Variants in ALKBH8 observed in about 807,000 individuals in gnomAD.
ALKBH8 encodes the protein tRNA (carboxymethyluridine(34)-5-O)-methyltransferase ALKBH8.
ALKBH8 carries 36 observed loss-of-function variants against 59.8 expected under a neutral mutation model. The observed-to-expected ratio is 0.60, with a 90% CI of 0.46 to 0.79. The LOEUF (loss-of-function observed/expected upper bound fraction) is 0.79. Ranked by LOEUF, ALKBH8 falls within the 30% of genes least tolerant of loss-of-function variation. The pLI is 0.00. For missense variants in ALKBH8, 768 were observed against 801.0 expected (o/e 0.96, Z 0.50); for synonymous variants, 276 against 273.6 (o/e 1.01, Z -0.09).
chr11:107,557,437 T>A (rs1185622036), intron 2 of ALKBH8, among the ~76,000 whole-genome samples: 5 of 152,220 alleles, frequency 3.3e-5, no homozygotes, highest in African/African-American at 4.8e-5. Context: ...TTGAATTTAT[T>A]TGGGTAATAT....
intron 10 of ALKBH8, among the ~76,000 whole-genome samples, chr11:107,515,782 T>C (rs370836395): frequency 3.2e-4 from 48 of 152,314 alleles, no homozygotes; most frequent in African/African-American, 1.1e-3. Context: ...GTTCCATTTT[T>C]CTTCCATTAA....
chr11:107,556,095 C>G (rs61583659), intron 3 of ALKBH8, among the ~76,000 whole-genome samples: 1 of 151,950 alleles, frequency 6.6e-6, no homozygotes, highest in Non-Finnish European at 1.5e-5. Context: ...CTGGCCAACA[C>G]GGTGAAACCC....
In ALKBH8 at chr11:107,553,142, G is replaced by C; in HGVS notation, c.561C>G (p.Asn187Lys). 1 of 1,608,500 alleles carries C rather than the reference G, an allele frequency of 6.2e-7. No homozygotes were observed. The highest frequency in any genetic ancestry group is 8.5e-7 in the Non-Finnish European group (1 of 1,177,596). The change falls in exon 5 of 12, where the codon AAC (asparagine) becomes AAG (lysine). Residue 187 changes from asparagine (N) to lysine (K), a missense_variant. By Grantham distance (94) the Asn-to-Lys change is moderately conservative (BLOSUM62 0). Coordinates refer to ENST00000428149, the MANE Select transcript of ALKBH8 (RefSeq NM_138775.3). ...KHFGYEFHYE[N>K]NNVDKDKPLS... is the part of the protein sequence containing the mutation. ...ATGGCTTATCTTTATCTACATTGTT[G>C]TTCTCATAGTGGAACTCATAACCAA... is the stretch of plus-strand genomic sequence containing the variant.
chr11:107,556,827 T>C lies in ALKBH8; in HGVS notation c.306A>G (p.Gly102=). Residue 102 remains glycine, a synonymous_variant, in exon 3 of 12, where the codon GGA becomes GGG. Transcript: ENST00000428149. Reference sequence around the variant, plus strand: ...GTCCTAAATCATCCACTACTTCTTTTCCATTGAGGGTAACATAGGCTCTCT... The same window carrying C: ...GTCCTAAATCATCCACTACTTCTTTCCCATTGAGGGTAACATAGGCTCTCT... ...ESKRAYVTLN[G]KEVVDDLGQK... 7.2e-6 allele frequency: 11 copies of C among 1,537,718 alleles called. No homozygotes were observed. Among genetic ancestry groups the C allele is most frequent in the Non-Finnish European group, 9.6e-6 (11 of 1,141,570 alleles).
Position 107,532,538 on chromosome 11 carries a change from A to G in ALKBH8, c.772-132T>C, listed in dbSNP as rs1351603603. 4 of 675,812 alleles carry G rather than the reference A, an allele frequency of 5.9e-6. No homozygotes were observed. In the East Asian group the frequency reaches 1.1e-4, roughly 19 times the overall value. The allele number at this position is 675,812 out of a possible 1,614,324, so 41.9% of individuals were successfully genotyped here. On this transcript the variant is annotated intron_variant, in intron 7 of 11. Transcript: ENST00000428149. ...AACATAATAATGCTTGCAGAAAAGC[A>G]TAGCACAGTGGTTCTCAAACTTTAC...
intron 7 of ALKBH8, among the ~76,000 whole-genome samples, chr11:107,538,567 G>A (rs1021728884): frequency 6.6e-5 from 10 of 152,188 alleles, no homozygotes; most frequent in African/African-American, 2.2e-4. Context: ...GGGCATGACT[G>A]AGGATAATGT....
At chr11:107,532,546 G>A in intron 7 of ALKBH8, 140 bp from the exon 8 acceptor site, 2 of 635,022 alleles carry the variant, frequency 3.1e-6, no homozygotes, top group Non-Finnish European at 5.4e-6. Context: ...GCATAGCACA[G>A]TGGTTCTCAA....
chr11:107,563,485 T>C (rs1865015639), intron 1 of ALKBH8: 2 of 152,180 alleles, frequency 1.3e-5, no homozygotes, highest in Admixed American at 1.3e-4. Flanking sequence ...GGGATAAAAA[T>C]AATAGTGCCT....
intron 10 of ALKBH8, among the ~76,000 whole-genome samples, chr11:107,515,086 T>C (rs915538425): frequency 6.6e-6 from 1 of 152,182 alleles, no homozygotes; most frequent in African/African-American, 2.4e-5. Flanking sequence ...CCTGGCTCAG[T>C]ACTTTCATCT....
At chr11:107,513,848 A>G (rs1429594275) in intron 10 of ALKBH8, among the ~76,000 whole-genome samples, 1 of 152,176 alleles carries the variant, frequency 6.6e-6, no homozygotes, top group Non-Finnish European at 1.5e-5. Context: ...CTGAGTACAC[A>G]TGGACACGAA....
chr11:107,518,589 C>T lies in ALKBH8; in HGVS notation c.1287+3710G>A, dbSNP rs368442355. Among the ~76,000 whole-genome samples the T allele has an allele frequency of 4.6e-5, 7 of 152,362 alleles. 1 individual carries two copies. The highest frequency in any genetic ancestry group is 1.2e-4 in the African/African-American group (5 of 41,590). On this transcript the variant is annotated intron_variant, in intron 10 of 11. Coordinates refer to ENST00000428149, the MANE Select transcript of ALKBH8 (RefSeq NM_138775.3). Reference sequence around the variant, plus strand: ...CCCAGGGCGGAAAACTGCTTAAAGGCGTTCTTAAACCACAAACAATAGCAT... The same window carrying T: ...CCCAGGGCGGAAAACTGCTTAAAGGTGTTCTTAAACCACAAACAATAGCAT...
At position 107,553,955 on chromosome 11, in the gene ALKBH8, G is replaced by A; in HGVS notation, c.391C>T (p.Gln131Ter). The A allele has an allele frequency of 1.2e-6, 2 of 1,613,812 alleles. No homozygotes were observed. The highest frequency in any genetic ancestry group is 1.7e-6 in the Non-Finnish European group (2 of 1,179,848). ...ACCATGAGTCCTGGTGGTAAGGCTT[G>A]AGGCCTCAACTCCTTCCACTGCACT... ...EKVQWKELRP[Q>*]ALPPGLMVVE... The change falls in exon 4 of 12, where the codon CAA becomes TAA. Residue 131 changes from glutamine (Q) to a stop codon, truncating the protein, a stop_gained. Transcript: ENST00000428149. LOFTEE classifies it high-confidence loss of function.
chr11:107,538,442 A>G (rs1239887124), intron 7 of ALKBH8, among the ~76,000 whole-genome samples: 1 of 152,212 alleles, frequency 6.6e-6, no homozygotes, highest in East Asian at 1.9e-4. Context: ...CTGCTGAATC[A>G]TTCTGTTATG....
chr11:107,564,853 T>C (rs1865068858), intron 1 of ALKBH8, among the ~76,000 whole-genome samples: 1 of 152,208 alleles, frequency 6.6e-6, no homozygotes, highest in Admixed American at 6.5e-5. Context: ...ACCCAGCACT[T>C]AAACAGGATT....
At chr11:107,543,680 A>C (rs564277224) in intron 7 of ALKBH8, among the ~76,000 whole-genome samples, 1 of 152,198 alleles carries the variant, frequency 6.6e-6, no homozygotes, top group Admixed American at 6.5e-5. Flanking sequence ...TTAATATTAC[A>C]TAAATGAATG....
intron 9 of ALKBH8, 49 bp downstream of exon 9, chr11:107,525,392 T>C: frequency 6.8e-7 from 1 of 1,477,974 alleles, no homozygotes; most frequent in Non-Finnish European, 9.0e-7. Context: ...AAAGGACTTT[T>C]ATATTAAACT....
chr11:107,564,913 A>G (rs1209618655), intron 1 of ALKBH8, among the ~76,000 whole-genome samples: 1 of 152,182 alleles, frequency 6.6e-6, no homozygotes, highest in Non-Finnish European at 1.5e-5. Context: ...ACCTAAATCG[A>G]CTTTGCTGTC....
chr11:107,520,467 T>A (rs1488947748), intron 10 of ALKBH8, among the ~76,000 whole-genome samples: 1 of 152,118 alleles, frequency 6.6e-6, no homozygotes, highest in African/African-American at 2.4e-5. Context: ...TGTATTTGAT[T>A]TCGACCTAGT....
At chr11:107,558,275 T>C (rs1392018090) in intron 2 of ALKBH8, among the ~76,000 whole-genome samples, 1 of 152,166 alleles carries the variant, frequency 6.6e-6, no homozygotes, top group Non-Finnish European at 1.5e-5. Flanking sequence ...AGTAAAACTG[T>C]TTTGTCATGG....
Sources: gnomAD v4.1 joint callset for allele counts (sites outside exome capture counted in the v4.1 genomes callset) on GRCh38, gnomAD v4.1.1 for gene constraint, MANE v1.5 for transcripts, NCBI Gene and HGNC (gene_info 2026-07-23, HGNC 2026-07-21) for gene names.